LRP6: variants seen among roughly 807,000 people sequenced by gnomAD.
LRP6 encodes LDL receptor related protein 6.
Under a neutral mutation model 184.1 loss-of-function variants are expected in LRP6, and 43 were observed. The ratio of observed to expected loss-of-function variants is 0.23; its 90% confidence interval spans 0.18 to 0.30. The LOEUF (loss-of-function observed/expected upper bound fraction) is 0.30, where lower values mean the gene tolerates loss of function less well. LRP6 is among the 10% of genes least tolerant of loss of function. The pLI, the probability that LRP6 is intolerant of heterozygous loss-of-function variation, is 1.00. For synonymous variants in LRP6, 719 were observed against 684.9 expected, an observed-to-expected ratio of 1.05 and a Z score of -0.78; for missense variants, 1,571 against 2,005.3, an observed-to-expected ratio of 0.78 and a Z score of 4.14.
intron 9 of LRP6, 101 bp downstream of exon 9, chr12:12,164,172 T>C: frequency 2.9e-6 from 3 of 1,052,376 alleles, no homozygotes; most frequent in South Asian, 1.4e-5. Context: ...GAACTCTGCC[T>C]GTCAAACAAT....
intron 2 of LRP6, among the ~76,000 whole-genome samples, chr12:12,228,667 C>T (rs1300984433): frequency 6.6e-6 from 1 of 152,166 alleles, no homozygotes. Context: ...GGAGTGCGAA[C>T]CTTATTGTGA....
At chr12:12,173,752 A>G (rs867767873) in intron 7 of LRP6, among the ~76,000 whole-genome samples, 3 of 152,144 alleles carry the variant, frequency 2.0e-5, no homozygotes, top group Admixed American at 6.5e-5. Context: ...TTCCAAAGTG[A>G]TAGGATTACA....
chr12:12,155,532 T>C (rs1950140162), intron 12 of LRP6: 4 of 758,258 alleles, frequency 5.3e-6, no homozygotes, highest in South Asian at 2.8e-5. Flanking sequence ...AGAATTAATA[T>C]GCATATTCAG....
intron 2 of LRP6, among the ~76,000 whole-genome samples, chr12:12,206,817 GA>G (rs200361473): frequency 0.02 from 2,980 of 151,306 alleles, 102 homozygotes; most frequent in African/African-American, 0.063. Context: ...TCAGGAGGGA[GA>G]AAAAAATGCC....
intron 11 of LRP6, 23 bp downstream of exon 11, chr12:12,159,757 G>C (rs1862695208): frequency 1.2e-6 from 2 of 1,606,484 alleles, no homozygotes; most frequent in African/African-American, 2.7e-5. Flanking sequence ...TATACTGTTT[G>C]AGTAAAAAGT....
intron 2 of LRP6, among the ~76,000 whole-genome samples, chr12:12,216,929 CCTTT>C (rs1864364336): frequency 6.6e-6 from 1 of 150,658 alleles, no homozygotes; most frequent in Non-Finnish European, 1.5e-5. Context: ...CATATAAGAG[CCTTT>C]CTAATTTGTT....
chr12:12,238,837 C>T (rs970288493), intron 2 of LRP6, among the ~76,000 whole-genome samples: 10 of 152,120 alleles, frequency 6.6e-5, no homozygotes, highest in Non-Finnish European at 1.3e-4. Flanking sequence ...GAAATTGCTA[C>T]ACTGAGTAAA....
chr12:12,254,492 T>C (rs1008839255), intron 1 of LRP6, among the ~76,000 whole-genome samples: 27 of 152,234 alleles, frequency 1.8e-4, no homozygotes, highest in Non-Finnish European at 1.5e-5. Flanking sequence ...AAGGAGACTA[T>C]GTTTTTGTAA....
At chr12:12,204,746 A>C (rs1490996287) in intron 2 of LRP6, among the ~76,000 whole-genome samples, 6 of 151,396 alleles carry the variant, frequency 4.0e-5, no homozygotes, top group Admixed American at 3.9e-4. Flanking sequence ...ACCTGAGGTC[A>C]GGAGTTCAAG....
intron 1 of LRP6, among the ~76,000 whole-genome samples, chr12:12,252,844 C>T (rs1452356593): frequency 6.6e-6 from 1 of 152,130 alleles, no homozygotes; most frequent in Non-Finnish European, 1.5e-5. Flanking sequence ...TATATACATT[C>T]TTGATATACT....
intron 1 of LRP6, among the ~76,000 whole-genome samples, chr12:12,253,764 T>C (rs1865387571): frequency 6.6e-6 from 1 of 152,172 alleles, no homozygotes; most frequent in Non-Finnish European, 1.5e-5. Flanking sequence ...TTTTGTCATC[T>C]ACAGATAGTT....
intron 18 of LRP6, 64 bp downstream of exon 18, chr12:12,131,757 G>T: frequency 7.3e-7 from 1 of 1,368,732 alleles, no homozygotes; most frequent in Non-Finnish European, 1.0e-6. Context: ...AAGTAATACT[G>T]AAGTTTAAAC....
Position 12,171,383 on chromosome 12 carries a change from G to A in LRP6, c.1546-6088C>T, listed in dbSNP as rs943852117. 7.2e-5 allele frequency among the ~76,000 whole-genome samples: 11 copies of A among 152,094 alleles called. No individual in the cohort carries two copies. In the South Asian group the frequency reaches 1.2e-3, roughly 17 times the overall value. ...CACACACACAAAAAACTAGCCAGGC[G>A]TGGTGGCGGGTGCCCGTAGTCCCAG... On this transcript the variant is annotated intron_variant, in intron 7 of 22. Coordinates refer to ENST00000261349, the MANE Select transcript of LRP6 (RefSeq NM_002336.3).
chr12:12,199,356 G>T (rs1156420666), intron 3 of LRP6, among the ~76,000 whole-genome samples: 1 of 151,848 alleles, frequency 6.6e-6, no homozygotes, highest in Non-Finnish European at 1.5e-5. Flanking sequence ...TGAATACACT[G>T]GCAGGAACTT....
chr12:12,228,341 G>A (rs1864685684), intron 2 of LRP6, among the ~76,000 whole-genome samples: 1 of 152,098 alleles, frequency 6.6e-6, no homozygotes, highest in African/African-American at 2.4e-5. Context: ...AACAGCCTAG[G>A]TGACACAGCG....
chr12:12,151,286 A>G (rs376179154), intron 12 of LRP6, among the ~76,000 whole-genome samples: 145 of 152,262 alleles, frequency 9.5e-4, no homozygotes, highest in African/African-American at 3.3e-3. Context: ...GTTTTTCTCC[A>G]TCTTGTCCAC....
chr12:12,239,346 C>G (rs1464710582), intron 2 of LRP6, among the ~76,000 whole-genome samples: 3 of 152,144 alleles, frequency 2.0e-5, no homozygotes, highest in African/African-American at 4.8e-5. Flanking sequence ...AAATAATGCA[C>G]TTTTAAACTG....
At position 12,162,174 on chromosome 12, in the gene LRP6, C is replaced by T; in HGVS notation, c.2279+19G>A. ...ATGTACACTGCAGTTGCAAAGAATG[C>T]ACATGTAAAGCTGTTTACCCTTCGG... On this transcript the variant is annotated intron_variant, in intron 10 of 22. Coordinates refer to ENST00000261349, the MANE Select transcript of LRP6 (RefSeq NM_002336.3). The T allele has an allele frequency of 6.3e-7, 1 of 1,596,592 alleles. No individual in the cohort carries two copies. Among genetic ancestry groups the T allele is most frequent in the Non-Finnish European group, 8.6e-7 (1 of 1,164,040 alleles).
chr12:12,159,930 T>C lies in LRP6; in HGVS notation c.2314A>G (p.Lys772Glu), dbSNP rs1294811200. ...CCATCCATTGCAGCTCTGTCTATCT[T>C]AGGTTTTCCACCCCATTCAGTCCAA... is the stretch of plus-strand genomic sequence containing the variant. ...MYWTEWGGKPKIDRAAMDGSE... is the reference protein window; with the variant it reads ...MYWTEWGGKPEIDRAAMDGSE... The change falls in exon 11 of 23, where the codon AAG becomes GAG. Residue 772 changes from lysine (K) to glutamate (E), a missense_variant. Transcript: ENST00000261349. 1 of 1,613,804 alleles carries C rather than the reference T, an allele frequency of 6.2e-7. No homozygotes were observed. The highest frequency in any genetic ancestry group is 1.7e-5 in the Admixed American group (1 of 59,980).
Sources: gnomAD v4.1 joint callset for allele counts (sites outside exome capture counted in the v4.1 genomes callset) on GRCh38, gnomAD v4.1.1 for gene constraint, MANE v1.5 for transcripts, NCBI Gene and HGNC (gene_info 2026-07-23, HGNC 2026-07-21) for gene names.